KMT2C: variants seen among roughly 807,000 people sequenced by gnomAD.
KMT2C encodes the protein lysine methyltransferase 2C.
Under a neutral mutation model 507.9 loss-of-function variants are expected in KMT2C, and 88 were observed. The ratio of observed to expected loss-of-function variants is 0.17; its 90% confidence interval spans 0.15 to 0.21. KMT2C has a LOEUF of 0.21. Among genes scored for constraint, KMT2C ranks in the 10% least tolerant of loss-of-function variants. The probability of loss-of-function intolerance (pLI) is 1.00; values close to 1 mark genes in which losing one functional copy is unlikely to be tolerated. For missense variants in KMT2C, 4,954 were observed against 5,957.8 expected, an observed-to-expected ratio of 0.83 and a Z score of 5.55; for synonymous variants, 2,049 against 2,080.8, an observed-to-expected ratio of 0.98 and a Z score of 0.42.
intron 6 of KMT2C, among the ~76,000 whole-genome samples, chr7:152,279,544 T>TA (rs1435330896): frequency 6.6e-6 from 1 of 152,206 alleles, no homozygotes; most frequent in Non-Finnish European, 1.5e-5. Flanking sequence ...CTGACTGAAA[T>TA]AAAACCTAAT....
rs759153603 is a variant in KMT2C at position 152,315,147 on chromosome 7, C to A, written c.581G>T (p.Gly194Val). 3 of 1,613,710 alleles carry A rather than the reference C, an allele frequency of 1.9e-6. No individual in the cohort carries two copies. Among genetic ancestry groups the A allele is most frequent in the Admixed American group, 1.7e-5 (1 of 59,978 alleles). Residue 194 changes from glycine to valine, a missense_variant, in exon 4 of 59, where the codon GGA (glycine) becomes GTA (valine). Physicochemically the swap from Gly to Val is moderately radical, Grantham distance 109 (BLOSUM62 -3). Around this residue, in one of 29 missense-constraint regions of KMT2C, gnomAD observed 233 missense variants for 263.6 expected, o/e 0.88. Coordinates refer to ENST00000262189, the MANE Select transcript of KMT2C (RefSeq NM_170606.3). ...MQNSAPRKQR[G>V]QRKERSPQQN... ...AGTCGAAACTGCTTACTTTCTCTGTCCTCTTTGTTTTCGTGGTGCTGAGTT... is the reference window on the plus strand; with the variant it reads ...AGTCGAAACTGCTTACTTTCTCTGTACTCTTTGTTTTCGTGGTGCTGAGTT...
rs1237192125 is a variant in KMT2C, at chr7:152,368,465, T to TA, written c.162-9791dup. On this transcript the variant is annotated intron_variant, in intron 1 of 58. Transcript: ENST00000262189. Reference sequence around the variant, plus strand: ...AAGGTCAAATAAAAAGTTCAAAAACTAAAGGACTCTGAAGCTGAGCTCCAG... The same window carrying TA: ...AAGGTCAAATAAAAAGTTCAAAAACTAAAAGGACTCTGAAGCTGAGCTCCAG... 7 of 1,227,142 alleles carry TA rather than the reference T, an allele frequency of 5.7e-6. No homozygotes were observed. The African/African-American group carries it at 1.1e-4, about 18-fold the overall frequency. The allele number at this position is 1,227,142 out of a possible 1,614,324, so 76.0% of individuals were successfully genotyped here.
chr7:152,156,657 A>AAAAT (rs1415451383), intron 44 of KMT2C, among the ~76,000 whole-genome samples: 2 of 152,238 alleles, frequency 1.3e-5, no homozygotes, highest in Non-Finnish European at 2.9e-5. Flanking sequence ...TCGTGGTTAT[A>AAAAT]GCTAGTGAAG....
At chr7:152,416,498 G>A (rs111927180) in intron 1 of KMT2C, among the ~76,000 whole-genome samples, 223 of 152,238 alleles carry the variant, frequency 1.5e-3, no homozygotes, top group African/African-American at 5.1e-3. Flanking sequence ...GCAGTGAGCC[G>A]AGATCACGCC....
chr7:152,201,287 GACACAGACACACACACACACAC>G (rs2094129589), intron 26 of KMT2C, among the ~76,000 whole-genome samples: 1 of 123,134 alleles, frequency 8.1e-6, no homozygotes, highest in African/African-American at 3.5e-5. Context: ...CACACATACA[GACACAGACACACACACACACAC>G]ACACACACAC....
At chr7:152,394,024 G>A (rs1267144885) in intron 1 of KMT2C, among the ~76,000 whole-genome samples, 1 of 151,852 alleles carries the variant, frequency 6.6e-6, no homozygotes, top group Non-Finnish European at 1.5e-5. Flanking sequence ...TGTGAACTAC[G>A]AATCCTCTTT....
At chr7:152,206,586 T>A (rs1279582237) in intron 24 of KMT2C, among the ~76,000 whole-genome samples, 1 of 152,124 alleles carries the variant, frequency 6.6e-6, no homozygotes, top group Non-Finnish European at 1.5e-5. Flanking sequence ...AAATCCAATT[T>A]AAAACCTCAT....
chr7:152,421,538 C>T (rs554483622), intron 1 of KMT2C, among the ~76,000 whole-genome samples: 4 of 152,250 alleles, frequency 2.6e-5, no homozygotes, highest in African/African-American at 7.2e-5. Context: ...GGTACATATA[C>T]GAGACAGAAT....
chr7:152,218,487 T>C (rs982276227), intron 23 of KMT2C, among the ~76,000 whole-genome samples: 2 of 152,030 alleles, frequency 1.3e-5, no homozygotes, highest in African/African-American at 4.8e-5. Context: ...GACATACCTT[T>C]TCAAAGCCAC....
chr7:152,433,689 T>C (rs1045958877), intron 1 of KMT2C, among the ~76,000 whole-genome samples: 1 of 152,280 alleles, frequency 6.6e-6, no homozygotes, highest in Non-Finnish European at 1.5e-5. Context: ...TATACTGTTA[T>C]TCAGCAGAAA....
At chr7:152,295,603 T>C (rs2096484005) in intron 6 of KMT2C, among the ~76,000 whole-genome samples, 1 of 152,234 alleles carries the variant, frequency 6.6e-6, no homozygotes, top group Middle Eastern at 3.2e-3. Flanking sequence ...ACACTGTTTA[T>C]TGCCTATAAA....
In KMT2C at chr7:152,179,972, G is replaced by C. The variant is rs2093376325; in HGVS notation, c.7304C>G (p.Pro2435Arg). The change falls in exon 37 of 59, where the codon CCC (proline) becomes CGC (arginine). Residue 2435 changes from proline to arginine, a missense_variant. By Grantham distance (103) the Pro-to-Arg change is moderately radical. Coordinates refer to ENST00000262189, the MANE Select transcript of KMT2C (RefSeq NM_170606.3). The part of the protein sequence containing the change: ...PENVNQAFTR[P>R]PPPYPGNIRS... ...AATGTTCCCAGGATAGGGAGGTGGGGGTCTGGTGAAAGCCTGGTTAACATT... is the reference window on the plus strand; with the variant it reads ...AATGTTCCCAGGATAGGGAGGTGGGCGTCTGGTGAAAGCCTGGTTAACATT... 5.0e-6 allele frequency: 8 copies of C among 1,614,114 alleles called. No individual in the cohort carries two copies. The highest frequency in any genetic ancestry group is 6.8e-6 in the Non-Finnish European group (8 of 1,180,022).
rs553188942 is a variant in KMT2C, at chr7:152,216,929, G to A, written c.3712+3594C>T. Among the ~76,000 whole-genome samples, 5 of 152,274 alleles carry A rather than the reference G, an allele frequency of 3.3e-5. No individual in the cohort carries two copies. The East Asian group carries it at 5.8e-4, about 18-fold the overall frequency. ...CATGTGTGGGAAGAGCCAGTGCTGG[G>A]TGCCTGGCATGCATCCTTGCACCTC... On this transcript the variant is annotated intron_variant, in intron 23 of 58. Transcript: ENST00000262189.
chr7:152,170,705 G>A (rs1274340380), intron 40 of KMT2C, among the ~76,000 whole-genome samples: 1 of 152,150 alleles, frequency 6.6e-6, no homozygotes, highest in Non-Finnish European at 1.5e-5. Flanking sequence ...GTTTCACTAC[G>A]TTGGTCAGGC....
intron 25 of KMT2C, among the ~76,000 whole-genome samples, chr7:152,204,616 T>TAGAC (rs1344792544): frequency 6.6e-6 from 1 of 150,946 alleles, no homozygotes; most frequent in Non-Finnish European, 1.5e-5. Context: ...GATAGATAGA[T>TAGAC]AGATAGATAG....
At chr7:152,390,355 G>C in intron 1 of KMT2C, among the ~76,000 whole-genome samples, 1 of 152,306 alleles carries the variant, frequency 6.6e-6, no homozygotes, top group Non-Finnish European at 1.5e-5. Context: ...ATTATGTTAA[G>C]ATATTTTAAA....
chr7:152,324,562 G>T (rs543984864), intron 3 of KMT2C, among the ~76,000 whole-genome samples: 56 of 151,922 alleles, frequency 3.7e-4, no homozygotes, highest in African/African-American at 1.3e-3. Context: ...GAAACAGACA[G>T]CTGAATAGAA....
At chr7:152,215,472 C>A (rs1418647588) in intron 23 of KMT2C, among the ~76,000 whole-genome samples, 2 of 139,820 alleles carry the variant, frequency 1.4e-5, no homozygotes, top group East Asian at 4.3e-4. Context: ...AAAGATCGTG[C>A]CACTGCACTC....
chr7:152,317,974 C>T (rs2096736663), intron 3 of KMT2C, among the ~76,000 whole-genome samples: 1 of 151,844 alleles, frequency 6.6e-6, no homozygotes, highest in South Asian at 2.1e-4. Flanking sequence ...CCCGTCTCTA[C>T]TAAAAATACA....
Sources: allele counts gnomAD v4.1 joint callset (sites outside exome capture counted in the v4.1 genomes callset), GRCh38; gene constraint gnomAD v4.1.1; regional missense constraint gnomAD v4.1.1; transcripts MANE v1.5; gene names NCBI Gene and HGNC (gene_info 2026-07-23, HGNC 2026-07-21).